Variants in PTPN3 observed in about 807,000 individuals in gnomAD.
PTPN3 encodes tyrosine-protein phosphatase non-receptor type 3.
PTPN3 carries 96 observed loss-of-function variants against 132.7 expected under a neutral mutation model. That is an observed-to-expected ratio of 0.72 (90% CI 0.61 to 0.86). The LOEUF (loss-of-function observed/expected upper bound fraction) is 0.86, where lower values mean the gene tolerates loss of function less well. Among genes scored for constraint, PTPN3 ranks in the 40% least tolerant of loss-of-function variants. PTPN3 has a pLI of 0.00. For synonymous variants in PTPN3, 398 were observed against 429.0 expected (o/e 0.93, Z 0.89); for missense variants, 1,125 against 1,159.6 (o/e 0.97, Z 0.43).
At chr9:109,534,766 C>G in the PTPN3 span, among the ~76,000 whole-genome samples, 1 of 152,082 alleles carries the variant, frequency 6.6e-6, no homozygotes, top group Non-Finnish European at 1.5e-5. Flanking sequence ...GACGCCATTG[C>G]ACTCCAGCCC....
chr9:109,416,636 G>C (rs1410479770), intron 14 of PTPN3, among the ~76,000 whole-genome samples: 1 of 151,826 alleles, frequency 6.6e-6, no homozygotes, highest in African/African-American at 2.4e-5. Flanking sequence ...TTGTAGAAAT[G>C]GGGTTTTGCC....
intron 1 of PTPN3, among the ~76,000 whole-genome samples, chr9:109,484,944 A>G (rs2132109605): frequency 6.6e-6 from 1 of 152,310 alleles, no homozygotes; most frequent in South Asian, 2.1e-4. Flanking sequence ...CAAGAGTCAT[A>G]TAAGGCCAGG....
intron 10 of PTPN3, among the ~76,000 whole-genome samples, chr9:109,430,583 C>CCA (rs1843588502): frequency 6.6e-6 from 1 of 152,152 alleles, no homozygotes; most frequent in Non-Finnish European, 1.5e-5. Context: ...GTACAAAGTT[C>CCA]TATGCCAGGC....
chr9:109,534,536 G>C, the PTPN3 span, among the ~76,000 whole-genome samples: 7 of 151,894 alleles, frequency 4.6e-5, no homozygotes, highest in Admixed American at 2.0e-4. Flanking sequence ...TAGCACTTTG[G>C]GAGGCCGAGG....
chr9:109,531,153 C>G, the PTPN3 span, among the ~76,000 whole-genome samples: 5 of 152,216 alleles, frequency 3.3e-5, no homozygotes, highest in African/African-American at 1.2e-4. Flanking sequence ...AATCCAATGT[C>G]ATGAAGCTTT....
intron 14 of PTPN3, among the ~76,000 whole-genome samples, chr9:109,410,849 C>T (rs2131770657): frequency 6.6e-6 from 1 of 152,300 alleles, no homozygotes; most frequent in East Asian, 1.9e-4. Context: ...GGACTCTTGC[C>T]TCCTCAAAGG....
intron 11 of PTPN3, 69 bp downstream of exon 11, chr9:109,428,552 C>A (rs900305924): frequency 1.3e-6 from 2 of 1,518,838 alleles, no homozygotes; most frequent in Non-Finnish European, 9.0e-7. Context: ...GGCAACATAG[C>A]GAGACCCTGT....
Position 109,474,701 on chromosome 9 carries a change from T to C in PTPN3, c.-17-11250A>G, listed in dbSNP as rs928554288. On this transcript the variant is annotated intron_variant, in intron 1 of 25. Transcript: ENST00000374541. ...CGTTCCTGAGGAATAACTGAAATCT[T>C]AGCGAAATCTCAGGGCGGATAAGAT... Among the ~76,000 whole-genome samples, 25 of 152,306 alleles carry C rather than the reference T, an allele frequency of 1.6e-4. No homozygotes were observed. The South Asian group carries it at 4.2e-3, about 25-fold the overall frequency.
chr9:109,430,793 A>G (rs1843610052), intron 10 of PTPN3, among the ~76,000 whole-genome samples: 1 of 152,190 alleles, frequency 6.6e-6, no homozygotes, highest in Admixed American at 6.5e-5. Context: ...GAAGCCCTCC[A>G]TGACCTGGCC....
chr9:109,532,630 G>T, the PTPN3 span, among the ~76,000 whole-genome samples: 1 of 149,078 alleles, frequency 6.7e-6, no homozygotes, highest in Non-Finnish European at 1.5e-5. Flanking sequence ...TTACCAAAAA[G>T]AGGCGTCTTT....
intron 10 of PTPN3, among the ~76,000 whole-genome samples, chr9:109,431,606 T>A (rs909553026): frequency 6.6e-6 from 1 of 152,256 alleles, no homozygotes; most frequent in Non-Finnish European, 1.5e-5. Flanking sequence ...TGCTATCTGT[T>A]ACACTGATTT....
chr9:109,398,815 T>G (rs1485355005), intron 19 of PTPN3, among the ~76,000 whole-genome samples: 4 of 152,216 alleles, frequency 2.6e-5, no homozygotes, highest in African/African-American at 9.6e-5. Context: ...CTATACCAAA[T>G]GCAGATCCTG....
At chr9:109,380,251 A>ATCTG (rs1433546376) in intron 25 of PTPN3, among the ~76,000 whole-genome samples, 1 of 151,858 alleles carries the variant, frequency 6.6e-6, no homozygotes, top group African/African-American at 2.4e-5. Flanking sequence ...CTATCTATCT[A>ATCTG]TCTATCTATC....
At chr9:109,520,228 G>C in the PTPN3 span, among the ~76,000 whole-genome samples, 4 of 151,258 alleles carry the variant, frequency 2.6e-5, no homozygotes, top group Admixed American at 2.6e-4. Flanking sequence ...GATTTATCTA[G>C]AGCCCATGCT....
At chr9:109,493,935 T>C (rs188039729) in intron 1 of PTPN3, among the ~76,000 whole-genome samples, 4 of 152,330 alleles carry the variant, frequency 2.6e-5, no homozygotes, top group Admixed American at 1.3e-4. Context: ...TAAGTTACTA[T>C]TTGGAGAGCA....
the PTPN3 span, among the ~76,000 whole-genome samples, chr9:109,529,925 T>C: frequency 6.6e-6 from 1 of 152,158 alleles, no homozygotes; most frequent in South Asian, 2.1e-4. Flanking sequence ...TTTATTTATT[T>C]ATTGTAGAGA....
chr9:109,445,243 G>A lies in PTPN3; in HGVS notation c.463C>T (p.Gln155Ter). 4 of 1,613,150 alleles carry A rather than the reference G, an allele frequency of 2.5e-6. No individual in the cohort carries two copies. The highest frequency in any genetic ancestry group is 3.4e-6 in the Non-Finnish European group (4 of 1,179,106). The change falls in exon 7 of 26, where the codon CAA becomes TAA. Residue 155 changes from glutamine (Q) to a stop codon, truncating the protein, a stop_gained. Transcript: ENST00000374541. LOFTEE classifies it high-confidence loss of function. ...SAVVLASYAV[Q>*]SHFGDYNSSI... is the part of the protein sequence containing the mutation. ...AAATGCTCCCTTTGTGACTTACATTGTACGGCATAGGACGCTAGAACCACT... is the reference window on the plus strand; with the variant it reads ...AAATGCTCCCTTTGTGACTTACATTATACGGCATAGGACGCTAGAACCACT...
chr9:109,514,319 G>A, the PTPN3 span, among the ~76,000 whole-genome samples: 6 of 152,078 alleles, frequency 3.9e-5, no homozygotes, highest in African/African-American at 1.2e-4. Flanking sequence ...AACTTGCAAT[G>A]TAGGCTCTCC....
At chr9:109,399,217 G>A (rs185308700) in intron 19 of PTPN3, among the ~76,000 whole-genome samples, 441 of 152,276 alleles carry the variant, frequency 2.9e-3, no homozygotes, top group South Asian at 0.011. Flanking sequence ...GCTGGAGTAC[G>A]GTGGTATGAC....
Sources: gnomAD v4.1 joint callset for allele counts (sites outside exome capture counted in the v4.1 genomes callset) on GRCh38, gnomAD v4.1.1 for gene constraint, MANE v1.5 for transcripts, NCBI Gene and HGNC (gene_info 2026-07-23, HGNC 2026-07-21) for gene names.